Variants in ANGPT1 observed in about 807,000 individuals in gnomAD.
The protein encoded by ANGPT1 is angiopoietin-1.
Under a neutral mutation model 62.2 loss-of-function variants are expected in ANGPT1, and 17 were observed. The observed-to-expected ratio is 0.27, with a 90% confidence interval of 0.19 to 0.41. The LOEUF is 0.41. Among genes scored for constraint, ANGPT1 ranks in the 10% least tolerant of loss-of-function variants. ANGPT1 has a pLI of 1.00. For synonymous variants in ANGPT1, 199 were observed against 198.9 expected (o/e 1.00, Z 0.00); for missense variants, 478 against 594.9 (o/e 0.80, Z 2.04).
intron 1 of ANGPT1, among the ~76,000 whole-genome samples, chr8:107,362,475 T>C (rs1816185844): frequency 1.3e-5 from 2 of 152,204 alleles, no homozygotes; most frequent in Admixed American, 1.3e-4. Flanking sequence ...GAGAAATACA[T>C]ACTTCATCAG....
intron 7 of ANGPT1, among the ~76,000 whole-genome samples, chr8:107,270,471 T>C (rs1813710988): frequency 6.6e-6 from 1 of 152,042 alleles, no homozygotes; most frequent in South Asian, 2.1e-4. Flanking sequence ...CTGGTAGCAA[T>C]GGCTCAATCT....
At chr8:107,470,206 A>G (rs1355869095) in intron 1 of ANGPT1, among the ~76,000 whole-genome samples, 1 of 152,078 alleles carries the variant, frequency 6.6e-6, no homozygotes, top group Non-Finnish European at 1.5e-5. Flanking sequence ...TTATAGTACA[A>G]TATGTAGCCC....
intron 2 of ANGPT1, among the ~76,000 whole-genome samples, chr8:107,342,094 A>G (rs953951850): frequency 9.9e-5 from 15 of 152,102 alleles, no homozygotes; most frequent in African/African-American, 3.6e-4. Flanking sequence ...AACCCAAAAA[A>G]ACATTCACTC....
At chr8:107,343,239 T>G (rs1815733991) in intron 2 of ANGPT1, among the ~76,000 whole-genome samples, 2 of 152,108 alleles carry the variant, frequency 1.3e-5, no homozygotes, top group South Asian at 4.2e-4. Flanking sequence ...GCAGGAAATA[T>G]ATTAGGGGAA....
intron 1 of ANGPT1, among the ~76,000 whole-genome samples, chr8:107,358,543 A>G (rs1472863818): frequency 1.3e-5 from 2 of 152,282 alleles, no homozygotes; most frequent in Non-Finnish European, 2.9e-5. Context: ...AATTAACCAT[A>G]CACCACAAGA....
At chr8:107,259,462 T>G (rs1161371406) in intron 8 of ANGPT1, among the ~76,000 whole-genome samples, 1 of 152,176 alleles carries the variant, frequency 6.6e-6, no homozygotes, top group East Asian at 1.9e-4. Context: ...AGGACTGAAC[T>G]GAAAAATATC....
intron 1 of ANGPT1, among the ~76,000 whole-genome samples, chr8:107,381,245 C>A (rs1816631059): frequency 6.6e-6 from 1 of 152,122 alleles, no homozygotes; most frequent in South Asian, 2.1e-4. Flanking sequence ...CCAAGTCAAA[C>A]AGAAATTTCA....
At chr8:107,348,437 T>C (rs1815858853) in intron 1 of ANGPT1, among the ~76,000 whole-genome samples, 1 of 152,206 alleles carries the variant, frequency 6.6e-6, no homozygotes, top group Non-Finnish European at 1.5e-5. Flanking sequence ...AAAATGGTTT[T>C]CAATCAAACT....
chr8:107,468,024 G>T (rs1055336371), intron 1 of ANGPT1, among the ~76,000 whole-genome samples: 1 of 152,032 alleles, frequency 6.6e-6, no homozygotes. Context: ...TTGTGTAGAG[G>T]AGAGAAAGAC....
chr8:107,390,475 T>C (rs1203722555), intron 1 of ANGPT1, among the ~76,000 whole-genome samples: 2 of 152,190 alleles, frequency 1.3e-5, no homozygotes, highest in African/African-American at 4.8e-5. Flanking sequence ...CAAAGTGACG[T>C]TCTGAAGCTA....
intron 4 of ANGPT1, among the ~76,000 whole-genome samples, chr8:107,307,727 T>C (rs1201405382): frequency 6.6e-6 from 1 of 152,172 alleles, no homozygotes; most frequent in African/African-American, 2.4e-5. Flanking sequence ...TATATATCTG[T>C]TCATTTTGCA....
intron 1 of ANGPT1, among the ~76,000 whole-genome samples, chr8:107,380,339 GTTTA>G (rs1257290178): frequency 2.8e-5 from 4 of 142,716 alleles, no homozygotes; most frequent in Non-Finnish European, 4.6e-5. Context: ...TTTATTGAGC[GTTTA>G]TCATGTGCAG....
chr8:107,407,805 G>T (rs1224045339), intron 1 of ANGPT1, among the ~76,000 whole-genome samples: 1 of 152,134 alleles, frequency 6.6e-6, no homozygotes, highest in African/African-American at 2.4e-5. Flanking sequence ...GGGTCAAGCA[G>T]GGGAAGGGAG....
intron 2 of ANGPT1, among the ~76,000 whole-genome samples, chr8:107,337,623 T>G (rs1426547855): frequency 6.6e-6 from 1 of 152,194 alleles, no homozygotes; most frequent in Non-Finnish European, 1.5e-5. Context: ...ATTTGAAACA[T>G]TTTTTAACTA....
At chr8:107,283,560 A>C (rs1469609661) in intron 7 of ANGPT1, among the ~76,000 whole-genome samples, 1 of 152,204 alleles carries the variant, frequency 6.6e-6, no homozygotes, top group Admixed American at 6.5e-5. Flanking sequence ...TTGAAAAGAC[A>C]AATAAGCAGC....
chr8:107,436,433 A>G (rs1262394606), intron 1 of ANGPT1, among the ~76,000 whole-genome samples: 1 of 152,210 alleles, frequency 6.6e-6, no homozygotes, highest in East Asian at 1.9e-4. Flanking sequence ...GGCAAACTGT[A>G]CTGTCTATTT....
chr8:107,298,938 A>G (rs1167571451), intron 5 of ANGPT1, among the ~76,000 whole-genome samples: 1 of 151,852 alleles, frequency 6.6e-6, no homozygotes, highest in African/African-American at 2.4e-5. Context: ...TACAGTCTAC[A>G]TGGAAGGGTG....
intron 1 of ANGPT1, among the ~76,000 whole-genome samples, chr8:107,367,832 C>A (rs905968838): frequency 1.3e-5 from 2 of 152,204 alleles, no homozygotes; most frequent in Non-Finnish European, 2.9e-5. Flanking sequence ...AGTTCAGTCA[C>A]AACTTCAAGC....
intron 7 of ANGPT1, among the ~76,000 whole-genome samples, chr8:107,279,979 T>C (rs755319638): frequency 6.6e-6 from 1 of 151,972 alleles, no homozygotes; most frequent in African/African-American, 2.4e-5. Context: ...CCAGGATCCG[T>C]GGCAGAGTGA....
Sources: allele counts gnomAD v4.1 joint callset (sites outside exome capture counted in the v4.1 genomes callset), GRCh38; gene constraint gnomAD v4.1.1; transcripts MANE v1.5; gene names NCBI Gene and HGNC (gene_info 2026-07-23, HGNC 2026-07-21).